Variants in KCNMB2 observed in about 807,000 individuals in gnomAD.
KCNMB2 encodes the protein potassium calcium-activated channel subfamily M regulatory beta subunit 2.
Under a neutral mutation model 24.5 loss-of-function variants are expected in KCNMB2, and 9 were observed. The ratio of observed to expected loss-of-function variants is 0.37; its 90% CI spans 0.22 to 0.64. KCNMB2 has a LOEUF of 0.64. Ranked by LOEUF, KCNMB2 falls within the 30% of genes least tolerant of loss-of-function variation. The pLI, the probability that KCNMB2 is intolerant of heterozygous loss-of-function variation, is 0.63. For synonymous variants in KCNMB2, 109 were observed against 104.4 expected, an observed-to-expected ratio of 1.04 and a Z score of -0.27; for missense variants, 226 against 284.3, an observed-to-expected ratio of 0.79 and a Z score of 1.47.
chr3:178,560,761 C>A (rs1257245359), intron 1 of KCNMB2, among the ~76,000 whole-genome samples: 2 of 152,236 alleles, frequency 1.3e-5, no homozygotes, highest in African/African-American at 4.8e-5. Flanking sequence ...TCTGTCTTGT[C>A]TTTTATCAGA....
intron 1 of KCNMB2, among the ~76,000 whole-genome samples, chr3:178,718,489 G>A (rs949280615): frequency 4.6e-5 from 7 of 152,132 alleles, no homozygotes; most frequent in Non-Finnish European, 8.8e-5. Context: ...CATTTCCTTC[G>A]TGTTCCCCCA....
At chr3:178,754,663 T>C (rs1298041641) in intron 1 of KCNMB2, among the ~76,000 whole-genome samples, 1 of 151,788 alleles carries the variant, frequency 6.6e-6, no homozygotes, top group African/African-American at 2.4e-5. Context: ...ACAGGGGAGG[T>C]AGGTAGATCA....
intron 1 of KCNMB2, among the ~76,000 whole-genome samples, chr3:178,612,723 C>T (rs1560130771): frequency 6.6e-6 from 1 of 151,986 alleles, no homozygotes; most frequent in Non-Finnish European, 1.5e-5. Context: ...AGAGTTTAGT[C>T]CATTTTACAT....
intron 1 of KCNMB2, among the ~76,000 whole-genome samples, chr3:178,700,214 G>A (rs1239246359): frequency 6.6e-6 from 1 of 152,174 alleles, no homozygotes; most frequent in Non-Finnish European, 1.5e-5. Context: ...TAATGCCCAT[G>A]TTAGTTGCTT....
chr3:178,649,534 G>A (rs889293899), intron 1 of KCNMB2, among the ~76,000 whole-genome samples: 2 of 151,328 alleles, frequency 1.3e-5, no homozygotes, highest in Admixed American at 6.6e-5. Context: ...ATTAATTACT[G>A]CCTCAATTTT....
intron 1 of KCNMB2, among the ~76,000 whole-genome samples, chr3:178,788,296 A>T (rs1476397272): frequency 1.3e-5 from 2 of 152,242 alleles, no homozygotes; most frequent in East Asian, 1.9e-4. Context: ...AAAACTGAAC[A>T]TCAGTTGTGA....
intron 1 of KCNMB2, among the ~76,000 whole-genome samples, chr3:178,629,579 T>A (rs1719240267): frequency 6.6e-6 from 1 of 152,166 alleles, no homozygotes; most frequent in African/African-American, 2.4e-5. Context: ...AGGTCACCAA[T>A]ATTCCAAGAT....
intron 1 of KCNMB2, among the ~76,000 whole-genome samples, chr3:178,726,679 T>G (rs533987349): frequency 5.7e-4 from 87 of 152,144 alleles, no homozygotes; most frequent in African/African-American, 2.0e-3. Flanking sequence ...CTCTTTATGA[T>G]AAGAATATAT....
intron 1 of KCNMB2, among the ~76,000 whole-genome samples, chr3:178,580,919 T>C (rs1336379602): frequency 6.6e-6 from 1 of 152,092 alleles, no homozygotes; most frequent in Non-Finnish European, 1.5e-5. Context: ...GAAGAATCAA[T>C]ATAGTTAAAA....
At chr3:178,691,699 A>T (rs545317311) in intron 1 of KCNMB2, among the ~76,000 whole-genome samples, 2 of 152,310 alleles carry the variant, frequency 1.3e-5, no homozygotes, top group East Asian at 3.9e-4. Flanking sequence ...GCTATTGTGA[A>T]TAGTGCTGCA....
intron 1 of KCNMB2, among the ~76,000 whole-genome samples, chr3:178,677,583 C>G (rs186727875): frequency 2.0e-5 from 3 of 152,318 alleles, no homozygotes; most frequent in African/African-American, 7.2e-5. Flanking sequence ...GTTTCACTTC[C>G]CAGCCTCCTC....
At chr3:178,790,173 C>T (rs1713266371) in intron 1 of KCNMB2, among the ~76,000 whole-genome samples, 2 of 152,024 alleles carry the variant, frequency 1.3e-5, no homozygotes, top group Admixed American at 6.6e-5. Flanking sequence ...AGGGAACCTA[C>T]TGCCTTGAAG....
intron 1 of KCNMB2, among the ~76,000 whole-genome samples, chr3:178,747,458 G>C (rs1206197934): frequency 6.6e-6 from 1 of 152,040 alleles, no homozygotes; most frequent in Non-Finnish European, 1.5e-5. Context: ...CTGTTCTACG[G>C]GTTTATCATG....
chr3:178,712,531 G>C (rs1722487815), intron 1 of KCNMB2, among the ~76,000 whole-genome samples: 1 of 152,188 alleles, frequency 6.6e-6, no homozygotes, highest in Non-Finnish European at 1.5e-5. Context: ...AAAAAATTCT[G>C]CCAATGATAG....
intron 1 of KCNMB2, among the ~76,000 whole-genome samples, chr3:178,801,322 C>T (rs971540267): frequency 6.6e-6 from 1 of 151,918 alleles, no homozygotes; most frequent in African/African-American, 2.4e-5. Flanking sequence ...ACTATGCACC[C>T]ATAAAAATTA....
At chr3:178,815,973 AT>A (rs1357041789) in intron 2 of KCNMB2, among the ~76,000 whole-genome samples, 1 of 151,560 alleles carries the variant, frequency 6.6e-6, no homozygotes, top group African/African-American at 2.4e-5. Context: ...TTGACCTATA[AT>A]TTTTTTGTGT....
chr3:178,726,692 A>G (rs9290666), intron 1 of KCNMB2, among the ~76,000 whole-genome samples: 109,216 of 151,752 alleles, frequency 0.72, 40,623 homozygotes, highest in African/African-American at 0.94. Context: ...GAATATATGA[A>G]ATAAAATAGA....
At chr3:178,653,065 G>T (rs866089704) in intron 1 of KCNMB2, among the ~76,000 whole-genome samples, 1 of 151,994 alleles carries the variant, frequency 6.6e-6, no homozygotes, top group South Asian at 2.1e-4. Context: ...ATTAATTTAA[G>T]AATTATTAAC....
chr3:178,760,590 G>T (rs1490698814), intron 1 of KCNMB2, among the ~76,000 whole-genome samples: 1 of 147,238 alleles, frequency 6.8e-6, no homozygotes, highest in Non-Finnish European at 1.5e-5. Context: ...TTCCTTCTTT[G>T]GTTTCACTTC....
Sources: allele counts gnomAD v4.1 joint callset (sites outside exome capture counted in the v4.1 genomes callset), GRCh38; gene constraint gnomAD v4.1.1; transcripts MANE v1.5; gene names NCBI Gene and HGNC (gene_info 2026-07-23, HGNC 2026-07-21).